Variants in B4GALNT2 observed in about 807,000 individuals in gnomAD.
The protein encoded by B4GALNT2 is N-acetylneuraminylgalactosylglucosyl-glucoside beta-1,4-N- acetylgalactosaminyltransferase 2.
Under a neutral mutation model 51.1 loss-of-function variants are expected in B4GALNT2, and 42 were observed. The observed-to-expected ratio is 0.82, with a 90% CI of 0.64 to 1.06. The LOEUF (loss-of-function observed/expected upper bound fraction) is 1.06. Ranked by LOEUF, B4GALNT2 falls within the 50% of genes least tolerant of loss-of-function variation. The pLI, the probability that B4GALNT2 is intolerant of heterozygous loss-of-function variation, is 0.00. For missense variants in B4GALNT2, 602 were observed against 633.6 expected, an observed-to-expected ratio of 0.95 and a Z score of 0.54; for synonymous variants, 253 against 251.7, an observed-to-expected ratio of 1.01 and a Z score of -0.05.
chr17:49,163,502 T>C (rs1357722238), intron 7 of B4GALNT2, among the ~76,000 whole-genome samples: 1 of 152,072 alleles, frequency 6.6e-6, no homozygotes, highest in Non-Finnish European at 1.5e-5. Context: ...ATGCCCATAA[T>C]CCCAGCACTT....
At chr17:49,127,939 G>C (rs1443305979), upstream of B4GALNT2, among the ~76,000 whole-genome samples, 3 of 152,172 alleles carry the variant, frequency 2.0e-5, no homozygotes, top group Non-Finnish European at 4.4e-5. Context: ...TAATTCAGTT[G>C]ATTGGGAGAA....
Position 49,155,058 on chromosome 17 carries a change from C to A in B4GALNT2, c.461-1508C>A, listed in dbSNP as rs1387246095. ...GGTGCAGTGGCTCTTGCCTGTAATC[C>A]CACCACTTTGGGGGCTGAGGCGGAT... On this transcript the variant is annotated intron_variant, in intron 4 of 10. Coordinates refer to ENST00000393354, the MANE Select transcript of B4GALNT2 (RefSeq NM_001159387.2). 2.0e-5 allele frequency among the ~76,000 whole-genome samples: 3 copies of A among 152,004 alleles called. No homozygotes were observed. In the East Asian group the frequency reaches 5.8e-4, roughly 29 times the overall value.
Position 49,157,959 on chromosome 17 carries a change from A to G in B4GALNT2, c.499-1078A>G, listed in dbSNP as rs79855127. Reference sequence around the variant, plus strand: ...ACAGTGTCGGGAGTGACACTATTCAATTTCCTTTAATAGATAACTGCGATG... The same window carrying G: ...ACAGTGTCGGGAGTGACACTATTCAGTTTCCTTTAATAGATAACTGCGATG... On this transcript the variant is annotated intron_variant, in intron 5 of 10. Transcript: ENST00000393354. Among the ~76,000 whole-genome samples, 816 of 152,286 alleles carry G rather than the reference A, an allele frequency of 5.4e-3. 6 individuals are homozygous for G. Among genetic ancestry groups the G allele is most frequent in the Non-Finnish European group, 9.1e-3 (618 of 68,030 alleles).
intron 4 of B4GALNT2, among the ~76,000 whole-genome samples, chr17:49,154,496 A>G (rs1161225441): frequency 6.6e-6 from 1 of 151,674 alleles, no homozygotes; most frequent in Admixed American, 6.6e-5. Flanking sequence ...GGGTCTGTCC[A>G]GTGAAGTCTT....
chr17:49,137,601 G>A (rs2042602695), intron 1 of B4GALNT2, among the ~76,000 whole-genome samples: 2 of 152,212 alleles, frequency 1.3e-5, no homozygotes, highest in African/African-American at 2.4e-5. Flanking sequence ...ACCAGACCAA[G>A]GCAGTGTGAT....
chr17:49,166,381 G>C, intron 9 of B4GALNT2, 127 bp downstream of exon 9: 1 of 787,184 alleles, frequency 1.3e-6, no homozygotes, highest in Non-Finnish European at 1.9e-6. Context: ...AGGGAGAGGG[G>C]CTGGTGCAGG....
At chr17:49,150,379 G>A (rs939635211) in intron 3 of B4GALNT2, among the ~76,000 whole-genome samples, 5 of 152,134 alleles carry the variant, frequency 3.3e-5, no homozygotes, top group African/African-American at 1.2e-4. Context: ...CTACTGGGAA[G>A]TGAGGAGCCC....
At chr17:49,147,568 G>A (rs537238078) in intron 3 of B4GALNT2, among the ~76,000 whole-genome samples, 2 of 151,380 alleles carry the variant, frequency 1.3e-5, no homozygotes, top group African/African-American at 4.8e-5. Flanking sequence ...TAGATATGGG[G>A]TTTTGCCATG....
At position 49,176,556 on chromosome 17, in the gene B4GALNT2, G is replaced by A. The variant is rs1372493648; in HGVS notation, c.*6828G>A. 1 of 152,208 alleles carries A rather than the reference G, an allele frequency of 6.6e-6. No homozygotes were observed. Among genetic ancestry groups the A allele is most frequent in the African/African-American group, 2.4e-5 (1 of 41,454 alleles). The allele number at this position is 152,208 out of a possible 1,614,324, so 9.4% of individuals were successfully genotyped here. A position where few individuals can be genotyped will look rare whatever the true frequency, so the allele number is the denominator to read the frequency against. ...GAGGTTTTCCCCCCTGGGTGGGACA[G>A]GTGTTCCTTGCCCTCATTCCAGTAA... On this transcript the variant is annotated 3_prime_UTR_variant, in exon 11 of 11. Coordinates refer to ENST00000393354, the MANE Select transcript of B4GALNT2 (RefSeq NM_001159387.2).
upstream of B4GALNT2, among the ~76,000 whole-genome samples, chr17:49,128,086 A>T (rs2042519482): frequency 6.6e-6 from 1 of 152,202 alleles, no homozygotes; most frequent in African/African-American, 2.4e-5. Context: ...GGTTAGAATT[A>T]TATAAATGTC....
rs926522274 is a variant in B4GALNT2, at chr17:49,159,153, G to A, written c.615G>A (p.Leu205=). The change falls in exon 6 of 11, where the codon TTG becomes TTA. Residue 205 remains leucine (L), a synonymous_variant. Transcript: ENST00000393354. Reference sequence around the variant, plus strand: ...TTTCTACCAGTGACCGGAAGCTGTTGAAGTTCATTCTTCAGCACGTGACAT... The same window carrying A: ...TTTCTACCAGTGACCGGAAGCTGTTAAAGTTCATTCTTCAGCACGTGACAT... ...LIISTSDRKL[L]KFILQHVTYT... The A allele has an allele frequency of 6.2e-7, 1 of 1,614,092 alleles. No homozygotes were observed. Among genetic ancestry groups the A allele is most frequent in the African/African-American group, 1.3e-5 (1 of 74,922 alleles).
chr17:49,140,623 T>C (rs1344072960), intron 1 of B4GALNT2, among the ~76,000 whole-genome samples: 1 of 151,134 alleles, frequency 6.6e-6, no homozygotes, highest in East Asian at 1.9e-4. Context: ...CGGCTATCTG[T>C]TTTGGTATCA....
chr17:49,169,613 C>T lies in B4GALNT2; in HGVS notation c.1406C>T (p.Ser469Leu), dbSNP rs1331773000. The change falls in exon 11 of 11, where the codon TCA becomes TTA. Residue 469 changes from serine to leucine, a missense_variant. Ser to Leu is a moderately radical substitution (Grantham distance 145, BLOSUM62 -2). Transcript: ENST00000393354. Reference sequence around the variant, plus strand: ...CAGTCTCGGTCTCCAGTGGTGGACTCAGAACTGGCTGCCCTAGAGAAGACC... The same window carrying T: ...CAGTCTCGGTCTCCAGTGGTGGACTTAGAACTGGCTGCCCTAGAGAAGACC... ...GHQSRSPVVD[S>L]ELAALEKTYN... 1 of 1,613,220 alleles carries T rather than the reference C, an allele frequency of 6.2e-7. No homozygotes were observed. Among genetic ancestry groups the T allele is most frequent in the Non-Finnish European group, 8.5e-7 (1 of 1,179,974 alleles).
At chr17:49,130,622 A>G (rs2042532419), upstream of B4GALNT2, among the ~76,000 whole-genome samples, 1 of 151,412 alleles carries the variant, frequency 6.6e-6, no homozygotes, top group Admixed American at 6.6e-5. Flanking sequence ...TGGGCAATAG[A>G]GTGAGACTCC....
intron 3 of B4GALNT2, among the ~76,000 whole-genome samples, chr17:49,144,300 C>T (rs1396064332): frequency 6.6e-6 from 1 of 152,192 alleles, no homozygotes; most frequent in Non-Finnish European, 1.5e-5. Context: ...ATTTGGGGAA[C>T]ACATTCAAAC....
chr17:49,141,430 T>C lies in B4GALNT2; in HGVS notation c.198T>C (p.Phe66=). The change falls in exon 2 of 11, where the codon TTT becomes TTC. Residue 66 remains phenylalanine, a synonymous_variant. Coordinates refer to ENST00000393354, the MANE Select transcript of B4GALNT2 (RefSeq NM_001159387.2). ...CTGAGGAACGTCTCAGGAACCTCTT[T>C]TCCTACGATGGAATCTGGTGAGAGA... ...LLPEERLRNL[F]SYDGIWLFPK... The C allele has an allele frequency of 6.2e-7, 1 of 1,614,146 alleles. No individual in the cohort carries two copies. The highest frequency in any genetic ancestry group is 1.3e-5 in the African/African-American group (1 of 75,048).
chr17:49,133,010 C>G, intron 1 of B4GALNT2: 1 of 1,469,564 alleles, frequency 6.8e-7, no homozygotes, highest in Non-Finnish European at 9.0e-7. Flanking sequence ...GCGGAACGAA[C>G]TCTGCACCCC....
intron 9 of B4GALNT2, among the ~76,000 whole-genome samples, chr17:49,166,512 G>C (rs908696178): frequency 1.3e-5 from 2 of 152,084 alleles, no homozygotes; most frequent in East Asian, 1.9e-4. Flanking sequence ...TTTTAAAATT[G>C]TGTGTTTATG....
At chr17:49,133,186 C>A in intron 1 of B4GALNT2, 1 of 1,505,472 alleles carries the variant, frequency 6.6e-7, no homozygotes, top group Non-Finnish European at 8.8e-7. Flanking sequence ...GCCTGGGGCC[C>A]GTTTGCTGCC....
Sources: allele counts gnomAD v4.1 joint callset (sites outside exome capture counted in the v4.1 genomes callset), GRCh38; gene constraint gnomAD v4.1.1; transcripts MANE v1.5; gene names NCBI Gene and HGNC (gene_info 2026-07-23, HGNC 2026-07-21).